Variants in ZPBP observed in about 807,000 individuals in gnomAD.
ZPBP encodes the protein zona pellucida-binding protein 1.
A neutral mutation model predicts 44.8 loss-of-function variants in ZPBP; 26 were observed. That is an observed-to-expected ratio of 0.58 (90% CI 0.43 to 0.81). The LOEUF (loss-of-function observed/expected upper bound fraction) is 0.81. Among genes scored for constraint, ZPBP ranks in the 30% least tolerant of loss-of-function variants. The pLI, the probability that ZPBP is intolerant of heterozygous loss-of-function variation, is 0.00. For missense variants in ZPBP, 409 were observed against 434.0 expected (o/e 0.94, Z 0.51); for synonymous variants, 174 against 153.2 (o/e 1.14, Z -1.00).
intron 2 of ZPBP, among the ~76,000 whole-genome samples, chr7:49,898,789 T>C (rs1792538414): frequency 6.6e-6 from 1 of 152,102 alleles, no homozygotes; most frequent in African/African-American, 2.4e-5. Context: ...AGCTGACTTA[T>C]GTTAGCTGTA....
chr7:49,941,405 A>T (rs879355141), intron 7 of ZPBP, among the ~76,000 whole-genome samples: 1 of 152,172 alleles, frequency 6.6e-6, no homozygotes, highest in Non-Finnish European at 1.5e-5. Context: ...TCAGATTTTC[A>T]CTGAGAGATG....
rs1002134704 is a variant in ZPBP at position 50,034,758 on chromosome 7, A to G, written c.488-3448T>C. On this transcript the variant is annotated intron_variant, in intron 4 of 7. Coordinates refer to ENST00000046087, the MANE Select transcript of ZPBP (RefSeq NM_007009.3). Reference sequence around the variant, plus strand: ...TTCATTCAATAAGATATGGAATCCAAATTTGTTCCTTTCTACTTGTTTCAA... The same window carrying G: ...TTCATTCAATAAGATATGGAATCCAGATTTGTTCCTTTCTACTTGTTTCAA... Among the ~76,000 whole-genome samples, 3 of 152,206 alleles carry G rather than the reference A, an allele frequency of 2.0e-5. No homozygotes were observed. In the East Asian group the frequency reaches 5.8e-4, roughly 29 times the overall value.
At chr7:49,897,503 A>G (rs914173799) in intron 2 of ZPBP, among the ~76,000 whole-genome samples, 1 of 152,218 alleles carries the variant, frequency 6.6e-6, no homozygotes, top group African/African-American at 2.4e-5. Context: ...ACACTGATCA[A>G]TAGAGTTTCC....
chr7:49,949,731 C>A (rs937423104), intron 7 of ZPBP, among the ~76,000 whole-genome samples: 4 of 151,760 alleles, frequency 2.6e-5, no homozygotes, highest in Admixed American at 6.6e-5. Context: ...AACAGTGGGA[C>A]TGAAGTTAAT....
the ZPBP span, among the ~76,000 whole-genome samples, chr7:49,843,098 T>C: frequency 6.6e-6 from 1 of 152,276 alleles, no homozygotes; most frequent in East Asian, 1.9e-4. Flanking sequence ...CCCCAGTGTC[T>C]ACTGGTACCA....
intron 2 of ZPBP, among the ~76,000 whole-genome samples, chr7:49,895,792 A>T (rs1792360138): frequency 6.6e-6 from 1 of 152,178 alleles, no homozygotes. Context: ...AAATATGAAA[A>T]TTAAGTATAA....
chr7:50,064,166 A>C (rs1404772714), intron 3 of ZPBP, among the ~76,000 whole-genome samples: 1 of 152,210 alleles, frequency 6.6e-6, no homozygotes, highest in Non-Finnish European at 1.5e-5. Flanking sequence ...CGTTGGTAGG[A>C]TCCGTGATGC....
At chr7:49,969,814 T>G (rs535228434) in intron 7 of ZPBP, among the ~76,000 whole-genome samples, 2,795 of 117,288 alleles carry the variant, frequency 0.024, 236 homozygotes, top group Admixed American at 0.17. Flanking sequence ...TATATATATA[T>G]ATATAGAGAG....
intron 7 of ZPBP, chr7:49,943,858 G>C (rs1024534458): frequency 8.1e-6 from 2 of 248,116 alleles, no homozygotes; most frequent in African/African-American, 2.4e-5. Context: ...GTCTCTTCTT[G>C]TGCTTCATTT....
At chr7:49,949,287 A>G (rs1795229770) in intron 7 of ZPBP, among the ~76,000 whole-genome samples, 1 of 152,148 alleles carries the variant, frequency 6.6e-6, no homozygotes, top group Admixed American at 6.6e-5. Context: ...CTAATATAGT[A>G]TATATCTAAA....
At chr7:50,082,453 A>G (rs188442941) in intron 2 of ZPBP, among the ~76,000 whole-genome samples, 1 of 152,002 alleles carries the variant, frequency 6.6e-6, no homozygotes, top group East Asian at 1.9e-4. Flanking sequence ...CCTGATAAGT[A>G]AGCAAAAATA....
intron 7 of ZPBP, among the ~76,000 whole-genome samples, chr7:49,946,735 C>A (rs1795119495): frequency 6.6e-6 from 1 of 152,074 alleles, no homozygotes; most frequent in South Asian, 2.1e-4. Context: ...ATACTGATAC[C>A]TTTTTCTAGG....
At chr7:50,062,709 A>C (rs1801303573) in intron 3 of ZPBP, among the ~76,000 whole-genome samples, 1 of 152,206 alleles carries the variant, frequency 6.6e-6, no homozygotes, top group African/African-American at 2.4e-5. Context: ...AGAAAGGGCA[A>C]AGCAAGATGG....
At position 49,922,981 on chromosome 7, in the gene ZPBP, G is replaced by C. The variant is rs570667068; in HGVS notation, n.411+12770C>G. On this transcript the variant is annotated intron_variant and non_coding_transcript_variant, in intron 1 of 2. Coordinates refer to the ZPBP transcript ENST00000465922. Reference sequence around the variant, plus strand: ...GAACCAAAAAAAGATTTTTTGAACTGCAAAATGTAATAACTGAAATTAAAG... The same window carrying C: ...GAACCAAAAAAAGATTTTTTGAACTCCAAAATGTAATAACTGAAATTAAAG... Among the ~76,000 whole-genome samples, 12 of 152,252 alleles carry C rather than the reference G, an allele frequency of 7.9e-5. No homozygotes were observed. In the East Asian group the frequency reaches 2.3e-3, roughly 29 times the overall value.
intron 7 of ZPBP, among the ~76,000 whole-genome samples, chr7:49,979,924 C>T (rs1316720428): frequency 9.1e-6 from 1 of 109,298 alleles, no homozygotes; most frequent in Non-Finnish European, 1.7e-5. Flanking sequence ...GGATATATAT[C>T]ATATATTAGA....
At chr7:49,987,947 T>C (rs932740327) in intron 6 of ZPBP, among the ~76,000 whole-genome samples, 2 of 152,172 alleles carry the variant, frequency 1.3e-5, no homozygotes, top group Admixed American at 6.5e-5. Flanking sequence ...TGTCAAAATG[T>C]AAATTTTTAC....
intron 3 of ZPBP, among the ~76,000 whole-genome samples, chr7:50,060,230 C>T (rs1454250335): frequency 6.6e-6 from 1 of 152,090 alleles, no homozygotes; most frequent in African/African-American, 2.4e-5. Flanking sequence ...GACTCCACTG[C>T]ATGGAACCCA....
At chr7:50,027,845 T>C (rs1799411108) in intron 5 of ZPBP, among the ~76,000 whole-genome samples, 2 of 151,868 alleles carry the variant, frequency 1.3e-5, no homozygotes, top group Admixed American at 6.6e-5. Flanking sequence ...ACACACAAAC[T>C]ACCAAAACTG....
intron 2 of ZPBP, among the ~76,000 whole-genome samples, chr7:49,896,002 T>C (rs2128732515): frequency 6.6e-6 from 1 of 152,274 alleles, no homozygotes; most frequent in Admixed American, 6.5e-5. Flanking sequence ...TTCTTAGTAG[T>C]TATTGTGCTT....
Sources: gnomAD v4.1 joint callset for allele counts (sites outside exome capture counted in the v4.1 genomes callset) on GRCh38, gnomAD v4.1.1 for gene constraint, MANE v1.5 for transcripts, NCBI Gene and HGNC (gene_info 2026-07-23, HGNC 2026-07-21) for gene names.